Variants in GAB3 observed in about 807,000 individuals in gnomAD.
The protein encoded by GAB3 is GRB2-associated-binding protein 3.
A neutral mutation model predicts 40.4 loss-of-function variants in GAB3; 12 were observed. The observed-to-expected ratio is 0.30, with a 90% CI of 0.19 to 0.48. GAB3 has a LOEUF of 0.48. GAB3 is among the 20% of genes least tolerant of loss of function. GAB3 has a pLI of 0.99. For synonymous variants in GAB3, 154 were observed against 176.7 expected, an observed-to-expected ratio of 0.87 and a Z score of 1.02; for missense variants, 381 against 461.9, an observed-to-expected ratio of 0.82 and a Z score of 1.61.
At chrX:154,705,131 G>A (rs2070788690) in intron 4 of GAB3, among the ~76,000 whole-genome samples, 1 of 109,854 alleles carries the variant, frequency 9.1e-6, no homozygotes, top group Non-Finnish European at 1.9e-5. Context: ...CTCATTCTAC[G>A]AGACCAGCAT....
chrX:154,745,918 G>C (rs2071519816), intron 1 of GAB3, among the ~76,000 whole-genome samples: 1 of 110,264 alleles, frequency 9.1e-6, no homozygotes, highest in Admixed American at 9.6e-5. Context: ...CAGGCATGGT[G>C]GTGGGCACCT....
At chrX:154,710,596 A>T (rs1432375650) in intron 4 of GAB3, among the ~76,000 whole-genome samples, 1 of 111,460 alleles carries the variant, frequency 9.0e-6, no homozygotes, top group Non-Finnish European at 1.9e-5. Flanking sequence ...GACAAAAACG[A>T]ACCTTGACCT....
intron 4 of GAB3, among the ~76,000 whole-genome samples, chrX:154,711,577 G>A (rs1285626505): frequency 1.8e-5 from 2 of 111,867 alleles, no homozygotes; most frequent in African/African-American, 6.5e-5. Flanking sequence ...GGGCAAAAGA[G>A]GGCTGTGGGA....
At chrX:154,720,738 A>G (rs2071121036) in intron 1 of GAB3, among the ~76,000 whole-genome samples, 1 of 111,853 alleles carries the variant, frequency 8.9e-6, no homozygotes, top group East Asian at 2.8e-4. Context: ...ATCAAGCATT[A>G]TCCAACCTTT....
chrX:154,725,738 C>T, intron 1 of GAB3, among the ~76,000 whole-genome samples: 1 of 111,103 alleles, frequency 9.0e-6, no homozygotes, highest in Non-Finnish European at 1.9e-5. Flanking sequence ...TACTGAAGAC[C>T]CCCAATCTAA....
chrX:154,739,128 G>A (rs2071402319), intron 1 of GAB3, among the ~76,000 whole-genome samples: 1 of 111,491 alleles, frequency 9.0e-6, no homozygotes, highest in Non-Finnish European at 1.9e-5. Flanking sequence ...TGAGGGAGTG[G>A]GGAGTGGGAG....
intron 1 of GAB3, among the ~76,000 whole-genome samples, chrX:154,730,516 C>T (rs1265189078): frequency 1.8e-5 from 2 of 112,239 alleles, no homozygotes; most frequent in Non-Finnish European, 3.8e-5. Context: ...CCAAGACCTG[C>T]TCCTCTAAGC....
chrX:154,720,626 C>CAAAAA (rs782047643), intron 1 of GAB3, among the ~76,000 whole-genome samples: 3 of 30,782 alleles, frequency 9.7e-5, no homozygotes, highest in South Asian at 2.6e-3. Flanking sequence ...GACTCCGTCT[C>CAAAAA]AAAAAAAAAA....
intron 8 of GAB3, among the ~76,000 whole-genome samples, chrX:154,691,342 G>A (rs1389161363): frequency 8.4e-5 from 9 of 106,826 alleles, no homozygotes; most frequent in Non-Finnish European, 1.2e-4. Flanking sequence ...TGGGTGCAGC[G>A]CACCAGCATG....
intron 4 of GAB3, among the ~76,000 whole-genome samples, chrX:154,708,397 C>G (rs1253786535): frequency 1.8e-5 from 2 of 111,983 alleles, no homozygotes; most frequent in East Asian, 2.8e-4. Flanking sequence ...ATCAAACTAA[C>G]AAGTGTCTGC....
chrX:154,695,080 C>T (rs782291505), intron 8 of GAB3, among the ~76,000 whole-genome samples: 1 of 112,170 alleles, frequency 8.9e-6, no homozygotes, highest in East Asian at 2.8e-4. Context: ...GAATTGTCTT[C>T]TCAAGAGTAT....
intron 1 of GAB3, among the ~76,000 whole-genome samples, chrX:154,742,985 CATATATATATAT>C (rs34588574): frequency 1.1e-5 from 1 of 92,333 alleles, no homozygotes; most frequent in Non-Finnish European, 2.2e-5. Flanking sequence ...AGTGTGTGTA[CATATATATATAT>C]ATATATATAT....
chrX:154,732,623 G>T (rs189488493), intron 1 of GAB3, among the ~76,000 whole-genome samples: 24 of 111,899 alleles, frequency 2.1e-4, no homozygotes, highest in African/African-American at 7.8e-4. Context: ...AGAAATGCTT[G>T]AAACACCTAA....
intron 1 of GAB3, among the ~76,000 whole-genome samples, chrX:154,734,247 G>A (rs1439663433): frequency 8.9e-6 from 1 of 112,909 alleles, no homozygotes; most frequent in Non-Finnish European, 1.9e-5. Flanking sequence ...AAAAGGAGGG[G>A]ACAGAAAAGC....
intron 8 of GAB3, among the ~76,000 whole-genome samples, chrX:154,684,869 A>G (rs1823820834): frequency 9.0e-6 from 1 of 111,650 alleles, no homozygotes; most frequent in African/African-American, 3.3e-5. Flanking sequence ...ATCCCTTGAC[A>G]TATTGCCTCT....
intron 8 of GAB3, among the ~76,000 whole-genome samples, chrX:154,688,500 G>A (rs899291912): frequency 2.7e-4 from 30 of 110,625 alleles, no homozygotes; most frequent in Middle Eastern, 4.6e-3. Context: ...GGCTGGTCTC[G>A]AACTCCTGCC....
chrX:154,720,626 C>CAAAAAAAAAAAAA (rs782047643), intron 1 of GAB3, among the ~76,000 whole-genome samples: 1 of 30,806 alleles, frequency 3.2e-5, no homozygotes, highest in Non-Finnish European at 6.1e-5. Context: ...GACTCCGTCT[C>CAAAAAAAAAAAAA]AAAAAAAAAA....
At chrX:154,686,991 A>G (rs1557247951) in intron 8 of GAB3, among the ~76,000 whole-genome samples, 1 of 109,161 alleles carries the variant, frequency 9.2e-6, no homozygotes, top group Non-Finnish European at 1.9e-5. Flanking sequence ...GGGGTTCGAG[A>G]CCAGCCTGGC....
At chrX:154,717,472 T>C (rs1009420752) in intron 1 of GAB3, among the ~76,000 whole-genome samples, 1 of 111,756 alleles carries the variant, frequency 8.9e-6, no homozygotes, top group Non-Finnish European at 1.9e-5. Flanking sequence ...CTTAATGGAA[T>C]AGGAATCTTG....
Sources: gnomAD v4.1 joint callset for allele counts (sites outside exome capture counted in the v4.1 genomes callset) on GRCh38, gnomAD v4.1.1 for gene constraint, MANE v1.5 for transcripts, NCBI Gene and HGNC (gene_info 2026-07-23, HGNC 2026-07-21) for gene names.